Variants in KATNAL2 observed in about 807,000 individuals in gnomAD.
The protein encoded by KATNAL2 is katanin p60 ATPase-containing subunit A-like 2.
KATNAL2 carries 52 observed loss-of-function variants against 76.3 expected under a neutral mutation model. The observed-to-expected ratio is 0.68, with a 90% CI of 0.55 to 0.86. The LOEUF is 0.86. KATNAL2 is among the 40% of genes least tolerant of loss of function. The probability of loss-of-function intolerance (pLI) is 0.00; values close to 1 mark genes in which losing one functional copy is unlikely to be tolerated. For missense variants in KATNAL2, 660 were observed against 668.9 expected (o/e 0.99, Z 0.15); for synonymous variants, 243 against 244.2 (o/e 1.00, Z 0.05).
intron 3 of KATNAL2, among the ~76,000 whole-genome samples, chr18:46,952,538 T>A (rs2059594232): frequency 6.6e-6 from 1 of 151,856 alleles, no homozygotes; most frequent in Non-Finnish European, 1.5e-5. Context: ...TAGCTGGGAC[T>A]CTAGGTGCGT....
intron 3 of KATNAL2, 146 bp downstream of exon 3, chr18:46,947,069 G>A (rs980659236): frequency 3.0e-6 from 2 of 674,112 alleles, no homozygotes; most frequent in East Asian, 5.4e-5. Context: ...CGGCCGAGGT[G>A]GTTAAATCCC....
At chr18:47,050,404 TGCC>T (rs2061306034) in intron 4 of KATNAL2, among the ~76,000 whole-genome samples, 1 of 152,214 alleles carries the variant, frequency 6.6e-6, no homozygotes, top group South Asian at 2.1e-4. Flanking sequence ...ACGAAGACAA[TGCC>T]ATTTTCACAA....
At chr18:46,924,511 A>G (rs886307493) in intron 1 of KATNAL2, among the ~76,000 whole-genome samples, 3 of 152,204 alleles carry the variant, frequency 2.0e-5, no homozygotes, top group African/African-American at 7.2e-5. Flanking sequence ...AGGTAATGTG[A>G]TGACTCCAGC....
At chr18:47,066,886 T>TACAC (rs1233346424) in intron 10 of KATNAL2, 135 bp from the exon 11 acceptor site, 583 of 51,034 alleles carry the variant, frequency 0.011, 21 homozygotes, top group African/African-American at 0.034. Context: ...TATATATATA[T>TACAC]ATATATAATA....
At chr18:47,047,701 C>A (rs187079543) in intron 4 of KATNAL2, among the ~76,000 whole-genome samples, 1 of 152,224 alleles carries the variant, frequency 6.6e-6, no homozygotes, top group East Asian at 1.9e-4. Flanking sequence ...ATGTAGGTTT[C>A]AGACTAAGAG....
chr18:47,049,367 T>C (rs1049499886), intron 4 of KATNAL2, among the ~76,000 whole-genome samples: 3 of 152,204 alleles, frequency 2.0e-5, no homozygotes, highest in Non-Finnish European at 2.9e-5. Context: ...AATACCCAAC[T>C]TGGTTCAGCA....
At chr18:47,067,491 A>G (rs1175895608) in intron 11 of KATNAL2, among the ~76,000 whole-genome samples, 6 of 151,980 alleles carry the variant, frequency 3.9e-5, no homozygotes, top group African/African-American at 1.5e-4. Flanking sequence ...TCCTTCCTTT[A>G]CACCCCTGCC....
chr18:47,033,602 G>A lies in KATNAL2; in HGVS notation c.52-12855G>A, dbSNP rs759539444. 12 of 1,614,174 alleles carry A rather than the reference G, an allele frequency of 7.4e-6. 1 individual carries two copies. In the South Asian group the frequency reaches 1.3e-4, roughly 18 times the overall value. On this transcript the variant is annotated intron_variant, in intron 3 of 17. Transcript: ENST00000683218. The stretch of plus-strand genomic sequence containing the variant: ...CTCCACCCTTCCAGAACAGGTTCAA[G>A]AACCCAGTAGGGGACCTCTCCCACG...
rs2063434266 is a variant in KATNAL2, at chr18:47,101,233, A to G, written c.*228A>G. ...TTTCAGTTACATACATATATGTGCTATTGGGTCATACAATGGAGATTTTTC... is the reference window on the plus strand; with the variant it reads ...TTTCAGTTACATACATATATGTGCTGTTGGGTCATACAATGGAGATTTTTC... On this transcript the variant is annotated 3_prime_UTR_variant, in exon 18 of 18. Coordinates refer to ENST00000683218, the MANE Select transcript of KATNAL2 (RefSeq NM_001387690.1). 1 of 463,164 alleles carries G rather than the reference A, an allele frequency of 2.2e-6. No homozygotes were observed. Among genetic ancestry groups the G allele is most frequent in the Admixed American group, 3.3e-5 (1 of 30,072 alleles). 28.7% of individuals were successfully genotyped at this position (463,164 alleles called of 1,614,324 possible).
intron 4 of KATNAL2, among the ~76,000 whole-genome samples, chr18:47,052,135 A>G (rs894407727): frequency 6.6e-6 from 1 of 152,218 alleles, no homozygotes; most frequent in African/African-American, 2.4e-5. Context: ...TAAGACCTGG[A>G]GAGTCTTTCT....
intron 3 of KATNAL2, among the ~76,000 whole-genome samples, chr18:47,042,666 C>T (rs1171952194): frequency 6.6e-6 from 1 of 151,916 alleles, no homozygotes; most frequent in Non-Finnish European, 1.5e-5. Context: ...AAGGAAATTG[C>T]TCAGAATATA....
chr18:47,087,401 C>T (rs2062820944), intron 15 of KATNAL2, among the ~76,000 whole-genome samples: 2 of 152,154 alleles, frequency 1.3e-5, no homozygotes, highest in South Asian at 2.1e-4. Context: ...TTTGTGGGAA[C>T]ATGGATGAAG....
intron 1 of KATNAL2, among the ~76,000 whole-genome samples, chr18:46,922,480 A>G (rs967712229): frequency 1.3e-5 from 2 of 152,178 alleles, no homozygotes; most frequent in South Asian, 4.1e-4. Context: ...TTTTAAAAAA[A>G]AAAACCAAAT....
chr18:46,932,162 T>C (rs1167608378), intron 1 of KATNAL2, among the ~76,000 whole-genome samples: 1 of 152,020 alleles, frequency 6.6e-6, no homozygotes, highest in Non-Finnish European at 1.5e-5. Context: ...CCGCCCGCCT[T>C]GGCCTCCCAA....
intron 15 of KATNAL2, among the ~76,000 whole-genome samples, chr18:47,078,732 T>TA (rs2062363249): frequency 6.6e-6 from 1 of 152,176 alleles, no homozygotes; most frequent in Admixed American, 6.5e-5. Flanking sequence ...CCCCAGTGAA[T>TA]ACCTAAGAAT....
intron 15 of KATNAL2, among the ~76,000 whole-genome samples, chr18:47,096,646 T>C (rs1449948419): frequency 6.6e-6 from 1 of 152,224 alleles, no homozygotes; most frequent in Middle Eastern, 3.2e-3. Flanking sequence ...TATCAATGGT[T>C]AGGCTAACAT....
chr18:46,930,148 CTT>C (rs2058861228), intron 1 of KATNAL2, among the ~76,000 whole-genome samples: 1 of 152,148 alleles, frequency 6.6e-6, no homozygotes, highest in Non-Finnish European at 1.5e-5. Flanking sequence ...TGGTTAATAA[CTT>C]TTCAATGATC....
intron 15 of KATNAL2, among the ~76,000 whole-genome samples, chr18:47,093,839 G>A (rs1429509184): frequency 2.0e-5 from 3 of 152,202 alleles, no homozygotes; most frequent in East Asian, 1.9e-4. Context: ...TACTCTGTGA[G>A]AGATTTCTCC....
intron 4 of KATNAL2, among the ~76,000 whole-genome samples, chr18:47,048,200 T>C (rs573849019): frequency 6.6e-6 from 1 of 152,336 alleles, no homozygotes; most frequent in East Asian, 1.9e-4. Context: ...TGGAGAAATC[T>C]GGAGTTAGAG....
Sources: gnomAD v4.1 joint callset for allele counts (sites outside exome capture counted in the v4.1 genomes callset) on GRCh38, gnomAD v4.1.1 for gene constraint, MANE v1.5 for transcripts, NCBI Gene and HGNC (gene_info 2026-07-23, HGNC 2026-07-21) for gene names.